The following NFIC variants were observed in gnomAD, a reference collection of about 807,000 sequenced individuals.
NFIC encodes nuclear factor I C, also known as nuclear factor 1 C-type.
NFIC carries 12 observed loss-of-function variants against 54.4 expected under a neutral mutation model. That is an observed-to-expected ratio of 0.22 (90% CI 0.14 to 0.36). The LOEUF is 0.36. Ranked by LOEUF, NFIC falls within the 10% of genes least tolerant of loss-of-function variation. The pLI is 1.00. For missense variants in NFIC, 575 were observed against 718.2 expected, an observed-to-expected ratio of 0.80 and a Z score of 2.28; for synonymous variants, 322 against 319.2, an observed-to-expected ratio of 1.01 and a Z score of -0.09.
chr19:3,457,296 G>A (rs1474256102), intron 10 of NFIC, among the ~76,000 whole-genome samples: 1 of 152,188 alleles, frequency 6.6e-6, no homozygotes, highest in African/African-American at 2.4e-5. Context: ...CATGGCCGGG[G>A]TCCCACCACC....
chr19:3,464,787 C>A lies in NFIC; in HGVS notation c.*2018C>A. The stretch of plus-strand genomic sequence containing the variant: ...AGGTTCGCCATCCTCTGGCCTCGAG[C>A]CCTTGGTCCCTCCGTCCGTCTGTCC... On this transcript the variant is annotated 3_prime_UTR_variant, in exon 11 of 11. Transcript: ENST00000443272. The A allele has an allele frequency of 1.2e-6, 1 of 869,138 alleles. No homozygotes were observed. Among genetic ancestry groups the A allele is most frequent in the Non-Finnish European group, 1.4e-6 (1 of 723,794 alleles). 53.8% of individuals were successfully genotyped at this position (869,138 alleles called of 1,614,324 possible).
At chr19:3,360,620 T>C (rs895773769) in intron 1 of NFIC, among the ~76,000 whole-genome samples, 2 of 152,188 alleles carry the variant, frequency 1.3e-5, no homozygotes, top group Non-Finnish European at 2.9e-5. Context: ...CTCCGCCGCT[T>C]TCTGTGTCCG....
At chr19:3,448,419 A>C (rs115334073) in intron 6 of NFIC, among the ~76,000 whole-genome samples, 8,640 of 152,146 alleles carry the variant, frequency 0.057, 797 homozygotes, top group African/African-American at 0.19. Context: ...TGAGGGGCTG[A>C]GCTGCTGAGT....
At position 3,449,010 on chromosome 19, in the gene NFIC, A is replaced by G. The variant is rs2082414574; in HGVS notation, c.959-4A>G. 1 of 1,611,848 alleles carries G rather than the reference A, an allele frequency of 6.2e-7. No individual in the cohort carries two copies. Among genetic ancestry groups the G allele is most frequent in the Non-Finnish European group, 8.5e-7 (1 of 1,178,918 alleles). ...GTGACTCTCTCGTCCCATCCCCTCC[A>G]CAGGCATCTCGTCCCCGGTGAAGAA... is the stretch of plus-strand genomic sequence containing the variant. On this transcript the variant is annotated splice_region_variant and splice_polypyrimidine_tract_variant and intron_variant, in intron 6 of 10. Transcript: ENST00000443272.
intron 2 of NFIC, among the ~76,000 whole-genome samples, chr19:3,398,403 C>G (rs1002528075): frequency 2.0e-5 from 3 of 152,116 alleles, no homozygotes; most frequent in African/African-American, 7.2e-5. Context: ...CAAAGGCCAC[C>G]CAGCCTGGAT....
rs1044225637 is a variant in NFIC at position 3,435,199 on chromosome 19, T to G, written c.950T>G (p.Met317Arg). Residue 317 changes from methionine (M) to arginine (R), a missense_variant, in exon 6 of 11, where the codon ATG (methionine) becomes AGG (arginine). Physicochemically the swap from Met to Arg is moderately conservative, Grantham distance 91 (BLOSUM62 -1). Around this residue, in one of 3 missense-constraint regions of NFIC, gnomAD observed 447 missense variants for 526.9 expected, o/e 0.85. Coordinates refer to ENST00000443272, the MANE Select transcript of NFIC (RefSeq NM_001245002.2). The part of the protein sequence containing the change: ...TSSSRNWTED[M>R]EGGISSPVKK... The stretch of plus-strand genomic sequence containing the variant: ...AGCAGCCGCAACTGGACGGAGGACA[T>G]GGAAGGAGGTAGGGCTGGTGGCGGG... The G allele has an allele frequency of 6.2e-7, 1 of 1,600,562 alleles. No individual in the cohort carries two copies. Among genetic ancestry groups the G allele is most frequent in the African/African-American group, 1.3e-5 (1 of 74,690 alleles).
intron 1 of NFIC, among the ~76,000 whole-genome samples, chr19:3,361,190 G>A (rs544988043): frequency 1.3e-5 from 2 of 152,198 alleles, no homozygotes; most frequent in Admixed American, 1.3e-4. Flanking sequence ...CACTCGGCAC[G>A]CAGACGTCGC....
chr19:3,430,714 A>G (rs868183954), intron 3 of NFIC, among the ~76,000 whole-genome samples: 1 of 150,232 alleles, frequency 6.7e-6, no homozygotes, highest in African/African-American at 2.4e-5. Flanking sequence ...TGGGTGGATC[A>G]TGTGGTCAGG....
At chr19:3,380,644 T>C (rs1046626102) in intron 1 of NFIC, among the ~76,000 whole-genome samples, 1 of 137,364 alleles carries the variant, frequency 7.3e-6, no homozygotes, top group African/African-American at 2.8e-5. Context: ...TTTTTTTTTT[T>C]TTTTTTTGTG....
intron 2 of NFIC, among the ~76,000 whole-genome samples, chr19:3,395,309 A>G (rs1191967028): frequency 6.6e-6 from 1 of 151,898 alleles, no homozygotes; most frequent in Non-Finnish European, 1.5e-5. Flanking sequence ...CAGTCAGCAG[A>G]GATCGCACCA....
chr19:3,434,083 C>T (rs2082161411), intron 4 of NFIC, among the ~76,000 whole-genome samples, 194 bp from the exon 5 acceptor site: 1 of 152,214 alleles, frequency 6.6e-6, no homozygotes, highest in Non-Finnish European at 1.5e-5. Context: ...TCACAGTGTG[C>T]TCTTGGCCTC....
intron 4 of NFIC, 34 bp from the exon 5 acceptor site, chr19:3,434,234 GGGCACTGCT>G: frequency 6.3e-7 from 1 of 1,585,232 alleles, no homozygotes; most frequent in Non-Finnish European, 8.6e-7. Context: ...CCGCAGCACT[GGGCACTGCT>G]TCCTGCCTCA....
intron 6 of NFIC, among the ~76,000 whole-genome samples, chr19:3,444,354 G>A (rs372794004): frequency 6.6e-5 from 10 of 152,244 alleles, no homozygotes; most frequent in African/African-American, 2.4e-4. Flanking sequence ...TCTCAGATGG[G>A]GCATTCAGGA....
chr19:3,461,807 G>A (rs1384432530), intron 10 of NFIC, among the ~76,000 whole-genome samples: 2 of 152,140 alleles, frequency 1.3e-5, no homozygotes, highest in African/African-American at 4.8e-5. Flanking sequence ...TGTAATCCCA[G>A]CACTTTGGGA....
Position 3,464,526 on chromosome 19 carries a change from G to GGCGCCCC in NFIC, c.*1757_*1758insGCGCCCC. ...GCTCAAACACAAGGACCCCTCCCCG[G>GGCGCCCC]CCCACCCAGCCCAGCCCCAACTGAC... is the stretch of plus-strand genomic sequence containing the variant. On this transcript the variant is annotated 3_prime_UTR_variant, in exon 11 of 11. Transcript: ENST00000443272. 1.1e-6 allele frequency: 1 copy of GGCGCCCC among 935,204 alleles called. No homozygotes were observed. Among genetic ancestry groups the GGCGCCCC allele is most frequent in the Non-Finnish European group, 1.3e-6 (1 of 799,374 alleles). The allele number at this position is 935,204 out of a possible 1,614,324, so 57.9% of individuals were successfully genotyped here.
Position 3,460,240 on chromosome 19 carries a change from C to T in NFIC, c.1510-2512C>T, listed in dbSNP as rs560009561. 7.2e-5 allele frequency among the ~76,000 whole-genome samples: 11 copies of T among 152,258 alleles called. No individual in the cohort carries two copies. In the South Asian group the frequency reaches 2.1e-3, roughly 29 times the overall value. On this transcript the variant is annotated intron_variant, in intron 10 of 10. Coordinates refer to ENST00000443272, the MANE Select transcript of NFIC (RefSeq NM_001245002.2). ...CCTGTGACAGGATGGGCCCTGGACGCCCAGGACAGTGCTCAGAAGATGCCA... is the reference window on the plus strand; with the variant it reads ...CCTGTGACAGGATGGGCCCTGGACGTCCAGGACAGTGCTCAGAAGATGCCA...
At chr19:3,398,680 G>C (rs1483992962) in intron 2 of NFIC, among the ~76,000 whole-genome samples, 7 of 152,146 alleles carry the variant, frequency 4.6e-5, no homozygotes, top group Non-Finnish European at 8.8e-5. Flanking sequence ...CGACGCTCCC[G>C]TGCTCCAGGC....
chr19:3,453,679 C>A lies in NFIC; in HGVS notation c.1270-84C>A. 1 of 1,498,958 alleles carries A rather than the reference C, an allele frequency of 6.7e-7. No homozygotes were observed. The highest frequency in any genetic ancestry group is 8.9e-7 in the Non-Finnish European group (1 of 1,129,198). The allele number at this position is 1,498,958 out of a possible 1,614,324, so 92.9% of individuals were successfully genotyped here. ...AGCCTGCCACCCCGTCCGGGCCGTG[C>A]ACAGAGCCGGGGGCGGCCGGCGCCA... On this transcript the variant is annotated intron_variant, in intron 8 of 10. Coordinates refer to ENST00000443272, the MANE Select transcript of NFIC (RefSeq NM_001245002.2). The surrounding 1 kb of genome is among the most constrained non-coding windows in gnomAD (Gnocchi z 6.7).
Position 3,453,650 on chromosome 19 carries a change from C to T in NFIC, c.1270-113C>T. On this transcript the variant is annotated intron_variant, in intron 8 of 10. Transcript: ENST00000443272. This position sits in a 1 kb window ranked among gnomAD's most constrained non-coding sequence, Gnocchi z 6.7. ...CCATGGTCACACCCGCGCCCTGGCCCCCCAGCCTGCCACCCCGTCCGGGCC... is the reference window on the plus strand; with the variant it reads ...CCATGGTCACACCCGCGCCCTGGCCTCCCAGCCTGCCACCCCGTCCGGGCC... 6 of 1,413,742 alleles carry T rather than the reference C, an allele frequency of 4.2e-6. No individual in the cohort carries two copies. The highest frequency in any genetic ancestry group is 5.6e-6 in the Non-Finnish European group (6 of 1,073,076). 87.6% of individuals were successfully genotyped at this position (1,413,742 alleles called of 1,614,324 possible).
Sources: allele counts gnomAD v4.1 joint callset (sites outside exome capture counted in the v4.1 genomes callset), GRCh38; gene constraint gnomAD v4.1.1; regional missense constraint gnomAD v4.1.1; non-coding constraint Gnocchi (gnomAD v3.1); transcripts MANE v1.5; gene names NCBI Gene and HGNC (gene_info 2026-07-23, HGNC 2026-07-21).